SORCS3: variants seen among roughly 807,000 people sequenced by gnomAD.
The protein encoded by SORCS3 is sortilin related VPS10 domain containing receptor 3.
A neutral mutation model predicts 146.3 loss-of-function variants in SORCS3; 57 were observed. That is an observed-to-expected ratio of 0.39 (90% CI 0.31 to 0.49). The LOEUF (loss-of-function observed/expected upper bound fraction) is 0.49, where lower values mean the gene tolerates loss of function less well. SORCS3 is among the 20% of genes least tolerant of loss of function. SORCS3 has a pLI of 0.92. For synonymous variants in SORCS3, 653 were observed against 618.5 expected, an observed-to-expected ratio of 1.06 and a Z score of -0.83; for missense variants, 1,341 against 1,575.5, an observed-to-expected ratio of 0.85 and a Z score of 2.52.
At chr10:104,974,906 C>G (rs930586849) in intron 3 of SORCS3, among the ~76,000 whole-genome samples, 7 of 152,158 alleles carry the variant, frequency 4.6e-5, no homozygotes, top group Middle Eastern at 3.4e-3. Flanking sequence ...GACAAAATCT[C>G]TCAGCATTTG....
intron 4 of SORCS3, among the ~76,000 whole-genome samples, chr10:104,983,554 C>T (rs905257293): frequency 6.6e-6 from 1 of 152,156 alleles, no homozygotes; most frequent in African/African-American, 2.4e-5. Context: ...GCTCCAGCCA[C>T]AGGTGCTCCA....
chr10:105,041,071 G>GTATA (rs1554871521), intron 4 of SORCS3, among the ~76,000 whole-genome samples: 3 of 136,454 alleles, frequency 2.2e-5, no homozygotes, highest in African/African-American at 7.8e-5. Context: ...AAATATATAT[G>GTATA]TATGTATGTA....
chr10:105,155,153 C>T (rs569309724), intron 9 of SORCS3, among the ~76,000 whole-genome samples: 5 of 152,246 alleles, frequency 3.3e-5, no homozygotes, highest in South Asian at 2.1e-4. Flanking sequence ...AGAAAATGCC[C>T]GTCCAAATGG....
chr10:104,643,709 G>GGGGTGTGTGT (rs758845919), intron 1 of SORCS3, among the ~76,000 whole-genome samples: 15 of 144,736 alleles, frequency 1.0e-4, no homozygotes, highest in Non-Finnish European at 1.7e-4. Context: ...TGATAATTAG[G>GGGGTGTGTGT]GTGTGTGTGT....
intron 4 of SORCS3, among the ~76,000 whole-genome samples, chr10:105,034,191 G>A (rs1258138600): frequency 1.3e-5 from 2 of 152,146 alleles, no homozygotes; most frequent in Non-Finnish European, 2.9e-5. Context: ...TCTGGGGTGG[G>A]AAGTGACCAA....
chr10:104,752,563 C>A (rs2133469886), intron 1 of SORCS3, among the ~76,000 whole-genome samples: 1 of 152,318 alleles, frequency 6.6e-6, no homozygotes, highest in Non-Finnish European at 1.5e-5. Flanking sequence ...GGCTGGACCA[C>A]AGATATATTT....
intron 1 of SORCS3, among the ~76,000 whole-genome samples, chr10:104,825,382 C>A (rs2017923722): frequency 6.6e-6 from 1 of 152,140 alleles, no homozygotes; most frequent in Non-Finnish European, 1.5e-5. Context: ...AAGTGGCAGA[C>A]CCTGGATTCT....
At chr10:104,903,229 T>G (rs985748451) in intron 2 of SORCS3, among the ~76,000 whole-genome samples, 26 of 152,178 alleles carry the variant, frequency 1.7e-4, no homozygotes, top group African/African-American at 5.3e-4. Flanking sequence ...TAAGAGAAAG[T>G]GTTTTGTATA....
intron 20 of SORCS3, among the ~76,000 whole-genome samples, chr10:105,242,748 ATATATT>A (rs1475627177): frequency 2.9e-5 from 3 of 104,170 alleles, no homozygotes; most frequent in African/African-American, 8.0e-5. Flanking sequence ...ATATATTTAT[ATATATT>A]TATATTTTAT....
At chr10:104,776,436 A>G (rs928898228) in intron 1 of SORCS3, among the ~76,000 whole-genome samples, 1 of 152,116 alleles carries the variant, frequency 6.6e-6, no homozygotes, top group Non-Finnish European at 1.5e-5. Flanking sequence ...CTAAAAGTCA[A>G]TTACATTTGC....
At chr10:104,826,435 A>C (rs2017935996) in intron 1 of SORCS3, among the ~76,000 whole-genome samples, 1 of 152,228 alleles carries the variant, frequency 6.6e-6, no homozygotes, top group South Asian at 2.1e-4. Context: ...AATAAGGTGA[A>C]TATCACAATA....
intron 2 of SORCS3, among the ~76,000 whole-genome samples, chr10:104,843,356 C>G (rs996590734): frequency 1.1e-4 from 17 of 152,142 alleles, no homozygotes; most frequent in Non-Finnish European, 2.4e-4. Flanking sequence ...GATCCCCAGG[C>G]AATTTTGCCT....
At chr10:105,070,670 C>T (rs2055550681) in intron 5 of SORCS3, among the ~76,000 whole-genome samples, 1 of 152,182 alleles carries the variant, frequency 6.6e-6, no homozygotes, top group East Asian at 1.9e-4. Flanking sequence ...ATAGGATGAT[C>T]TCAGCAAAGC....
chr10:105,247,408 C>T (rs926863458), intron 22 of SORCS3, 77 bp downstream of exon 22: 7 of 759,986 alleles, frequency 9.2e-6, no homozygotes, highest in Non-Finnish European at 1.5e-5. Flanking sequence ...AATACATTGG[C>T]ATGGATTGAA....
chr10:104,824,303 A>G (rs914419622), intron 1 of SORCS3, among the ~76,000 whole-genome samples: 2 of 152,246 alleles, frequency 1.3e-5, no homozygotes, highest in African/African-American at 2.4e-5. Flanking sequence ...GCCTCAGAAG[A>G]CAATGGGTAG....
intron 2 of SORCS3, among the ~76,000 whole-genome samples, chr10:104,898,303 G>A (rs2018819104): frequency 6.6e-6 from 1 of 152,162 alleles, no homozygotes; most frequent in Non-Finnish European, 1.5e-5. Context: ...GGTATTCTGA[G>A]CATCTAGAAT....
chr10:104,991,503 CTTT>C (rs1159374839), intron 4 of SORCS3, among the ~76,000 whole-genome samples: 8 of 139,192 alleles, frequency 5.7e-5, no homozygotes, highest in Non-Finnish European at 7.8e-5. Context: ...CCTCTTCTTC[CTTT>C]TTTTTTTTTT....
intron 3 of SORCS3, among the ~76,000 whole-genome samples, chr10:104,960,962 A>G (rs984605161): frequency 1.3e-5 from 2 of 152,114 alleles, no homozygotes; most frequent in African/African-American, 4.8e-5. Flanking sequence ...TGTGCAATTA[A>G]TTTCCATTTA....
intron 23 of SORCS3, among the ~76,000 whole-genome samples, chr10:105,255,186 CAAAAAAAAAAAAAA>C (rs35150065): frequency 6.1e-5 from 2 of 32,656 alleles, no homozygotes; most frequent in Non-Finnish European, 1.2e-4. Context: ...GACTCAGTCT[CAAAAAAAAAAAAAA>C]AAAAAAAAAA....
Sources: allele counts gnomAD v4.1 joint callset (sites outside exome capture counted in the v4.1 genomes callset), GRCh38; gene constraint gnomAD v4.1.1; transcripts MANE v1.5; gene names NCBI Gene and HGNC (gene_info 2026-07-23, HGNC 2026-07-21).